MCPH1: variants seen among roughly 807,000 people sequenced by gnomAD.
The protein encoded by MCPH1 is microcephalin 1.
Under a neutral mutation model 84.5 loss-of-function variants are expected in MCPH1, and 104 were observed. The observed-to-expected ratio is 1.23, with a 90% CI of 1.05 to 1.45. The LOEUF is 1.45. MCPH1 is among the 40% of genes most tolerant of loss of function. MCPH1 has a pLI of 0.00. For missense variants in MCPH1, 1,498 were observed against 1,005.7 expected (o/e 1.49, Z -6.62); for synonymous variants, 514 against 366.8 (o/e 1.40, Z -4.58).
intron 12 of MCPH1, among the ~76,000 whole-genome samples, chr8:6,506,389 C>T (rs941414458): frequency 1.3e-5 from 2 of 152,114 alleles, no homozygotes; most frequent in Admixed American, 1.3e-4. Flanking sequence ...TCCCCAGTCT[C>T]TTTTCCAATT....
chr8:6,621,767 C>G, intron 13 of MCPH1, 76 bp downstream of exon 13: 1 of 1,591,590 alleles, frequency 6.3e-7, no homozygotes, highest in Non-Finnish European at 8.6e-7. Context: ...CGGCGTCAGG[C>G]TCACACCCCC....
intron 12 of MCPH1, among the ~76,000 whole-genome samples, chr8:6,510,282 T>A (rs575792960): frequency 6.6e-6 from 1 of 152,098 alleles, no homozygotes; most frequent in Non-Finnish European, 1.5e-5. Context: ...TGTTGGCACG[T>A]TGGGTCCTCA....
chr8:6,491,405 A>G (rs1210091448), intron 11 of MCPH1, among the ~76,000 whole-genome samples: 1 of 144,314 alleles, frequency 6.9e-6, no homozygotes, highest in East Asian at 2.0e-4. Context: ...GCTGCTAAAG[A>G]TTATTATTAG....
In MCPH1 at chr8:6,486,141, A is replaced by G. The variant is rs551191089; in HGVS notation, c.2136+5265A>G. 2.6e-5 allele frequency among the ~76,000 whole-genome samples: 4 copies of G among 152,338 alleles called. No individual in the cohort carries two copies. The South Asian group carries it at 8.3e-4, about 32-fold the overall frequency. ...ATTTTTAAAGCTTAGCACCCACTTT[A>G]ATATTTATCTATGTCTTGCATATAA... On this transcript the variant is annotated intron_variant, in intron 11 of 13. Transcript: ENST00000344683.
intron 9 of MCPH1, among the ~76,000 whole-genome samples, chr8:6,456,846 T>A (rs939734070): frequency 2.0e-5 from 3 of 152,182 alleles, no homozygotes; most frequent in Non-Finnish European, 4.4e-5. Flanking sequence ...TCTGATGGGC[T>A]GGGTCTGTGG....
chr8:6,553,951 T>C (rs1824133663), intron 12 of MCPH1, among the ~76,000 whole-genome samples: 1 of 152,062 alleles, frequency 6.6e-6, no homozygotes, highest in South Asian at 2.1e-4. Flanking sequence ...ATAGAAATCT[T>C]CTGTGTGTAG....
At chr8:6,532,394 C>G in intron 12 of MCPH1, 1 of 1,614,088 alleles carries the variant, frequency 6.2e-7, no homozygotes, top group Middle Eastern at 1.6e-4. Flanking sequence ...AGGTTTGTCC[C>G]TATTTCTATC....
intron 11 of MCPH1, among the ~76,000 whole-genome samples, chr8:6,489,904 C>G (rs74340578): frequency 3.0e-3 from 454 of 152,304 alleles, no homozygotes; most frequent in African/African-American, 9.6e-3. Flanking sequence ...CTGTATTTGG[C>G]AAATACTTTA....
intron 9 of MCPH1, among the ~76,000 whole-genome samples, chr8:6,461,023 C>G (rs900661909): frequency 3.3e-5 from 5 of 152,106 alleles, no homozygotes; most frequent in Admixed American, 2.0e-4. Flanking sequence ...GTGAATGCTT[C>G]TCTGAGAAGA....
At chr8:6,625,032 G>A (rs563119430) in intron 13 of MCPH1, 1 of 489,164 alleles carries the variant, frequency 2.0e-6, no homozygotes, top group African/African-American at 2.1e-5. Flanking sequence ...CCGCCACCAT[G>A]CCCAGGTAAT....
At chr8:6,480,231 C>G (rs1024509986) in intron 10 of MCPH1, among the ~76,000 whole-genome samples, 1 of 151,830 alleles carries the variant, frequency 6.6e-6, no homozygotes, top group South Asian at 2.1e-4. Context: ...TCAAGCTATT[C>G]TGTCTGCCTC....
chr8:6,636,404 G>A (rs114362307), intron 13 of MCPH1, among the ~76,000 whole-genome samples: 2 of 151,496 alleles, frequency 1.3e-5, no homozygotes, highest in Admixed American at 6.6e-5. Context: ...TTGTCCACAT[G>A]GGGGTGAGGG....
intron 12 of MCPH1, chr8:6,503,278 C>T: frequency 6.2e-7 from 1 of 1,613,874 alleles, no homozygotes; most frequent in Non-Finnish European, 8.5e-7. Flanking sequence ...AAGTAAAACA[C>T]AGAAGGAATT....
chr8:6,486,768 A>G (rs7000599), intron 11 of MCPH1, among the ~76,000 whole-genome samples: 3,863 of 152,310 alleles, frequency 0.025, 168 homozygotes, highest in African/African-American at 0.087. Flanking sequence ...TATGGGAGAC[A>G]GGAAGTAACA....
chr8:6,467,235 G>T (rs1485279302), intron 9 of MCPH1, among the ~76,000 whole-genome samples: 1 of 152,192 alleles, frequency 6.6e-6, no homozygotes, highest in Non-Finnish European at 1.5e-5. Context: ...TTCAGTGACT[G>T]TCAAACCAGT....
Position 6,414,898 on chromosome 8 carries a change from T to C in MCPH1, c.233+15T>C. On this transcript the variant is annotated intron_variant, in intron 3 of 13. Transcript: ENST00000344683. ...TGGGTGGAAAAGTAAGCAGTTTCTC[T>C]CTTACTTTTTTTCCTTAAGTATCTA... 1 of 1,612,312 alleles carries C rather than the reference T, an allele frequency of 6.2e-7. No individual in the cohort carries two copies. Among genetic ancestry groups the C allele is most frequent in the Non-Finnish European group, 8.5e-7 (1 of 1,179,012 alleles).
intron 8 of MCPH1, among the ~76,000 whole-genome samples, chr8:6,447,910 C>G (rs1016966723): frequency 1.6e-4 from 25 of 151,902 alleles, no homozygotes; most frequent in African/African-American, 6.0e-4. Flanking sequence ...CTTTTTTATT[C>G]TCTTAATTTT....
At position 6,474,339 on chromosome 8, in the gene MCPH1, C is replaced by T. The variant is rs1338863324; in HGVS notation, c.1936-3255C>T. ...CTGGTGTACCTGGCTTTCTATGACACGTTTCTATCACCAAGTCAGAACAAA... is the reference window on the plus strand; with the variant it reads ...CTGGTGTACCTGGCTTTCTATGACATGTTTCTATCACCAAGTCAGAACAAA... On this transcript the variant is annotated intron_variant, in intron 9 of 13. Transcript: ENST00000344683. 19 of 426,292 alleles carry T rather than the reference C, an allele frequency of 4.5e-5. No individual in the cohort carries two copies. The South Asian group carries it at 4.5e-4, about 10-fold the overall frequency. 26.4% of individuals were successfully genotyped at this position (426,292 alleles called of 1,614,324 possible). A position where few individuals can be genotyped will look rare whatever the true frequency, so the allele number is the denominator to read the frequency against.
intron 3 of MCPH1, among the ~76,000 whole-genome samples, chr8:6,421,374 C>G (rs1348014473): frequency 6.6e-6 from 1 of 152,102 alleles, no homozygotes; most frequent in Non-Finnish European, 1.5e-5. Flanking sequence ...CGGGCTTATG[C>G]CTAACTACCT....
Sources: allele counts gnomAD v4.1 joint callset (sites outside exome capture counted in the v4.1 genomes callset), GRCh38; gene constraint gnomAD v4.1.1; transcripts MANE v1.5; gene names NCBI Gene and HGNC (gene_info 2026-07-23, HGNC 2026-07-21).